Variants in FARP1 observed in about 807,000 individuals in gnomAD.
FARP1 encodes the protein FERM, ARH/RhoGEF and pleckstrin domain protein 1.
FARP1 carries 52 observed loss-of-function variants against 128.8 expected under a neutral mutation model. That is an observed-to-expected ratio of 0.40 (90% CI 0.32 to 0.51). The LOEUF is 0.51. Among genes scored for constraint, FARP1 ranks in the 20% least tolerant of loss-of-function variants. FARP1 has a pLI of 0.45. For missense variants in FARP1, 1,333 were observed against 1,367.9 expected, an observed-to-expected ratio of 0.97 and a Z score of 0.40; for synonymous variants, 580 against 551.8, an observed-to-expected ratio of 1.05 and a Z score of -0.72.
At chr13:98,395,172 AAT>A (rs1245020652) in intron 12 of FARP1, 53 bp from the exon 13 acceptor site, 40 of 1,528,174 alleles carry the variant, frequency 2.6e-5, no homozygotes, top group Non-Finnish European at 3.5e-5. Flanking sequence ...TCAGCCTTGG[AAT>A]AACAGTCTCC....
chr13:98,374,635 C>A (rs1889501496), intron 5 of FARP1, among the ~76,000 whole-genome samples: 1 of 152,226 alleles, frequency 6.6e-6, no homozygotes, highest in Non-Finnish European at 1.5e-5. Context: ...TGCTGTTTAA[C>A]TTGTTCCTCT....
intron 2 of FARP1, among the ~76,000 whole-genome samples, chr13:98,301,519 C>T (rs1885924518): frequency 6.6e-6 from 1 of 152,186 alleles, no homozygotes; most frequent in Admixed American, 6.5e-5. Flanking sequence ...CTGGCAGTGA[C>T]TTAGGAGCTT....
At chr13:98,296,333 A>G (rs1223112091) in intron 2 of FARP1, among the ~76,000 whole-genome samples, 2 of 151,918 alleles carry the variant, frequency 1.3e-5, no homozygotes, top group Non-Finnish European at 2.9e-5. Flanking sequence ...GCACATGCGC[A>G]CACTCTCCTT....
intron 2 of FARP1, among the ~76,000 whole-genome samples, chr13:98,255,418 G>GAACGCAGGAGAATGGCA (rs1883537256): frequency 6.6e-6 from 1 of 151,930 alleles, no homozygotes. Flanking sequence ...GGAGAATGGC[G>GAACGCAGGAGAATGGCA]TGAACCCAGG....
chr13:98,334,675 GA>G (rs1380957698), intron 2 of FARP1, among the ~76,000 whole-genome samples: 1 of 152,116 alleles, frequency 6.6e-6, no homozygotes, highest in Non-Finnish European at 1.5e-5. Flanking sequence ...GCTGTATTTG[GA>G]GTAAGGAAGT....
chr13:98,325,120 C>T (rs531459437), intron 2 of FARP1, among the ~76,000 whole-genome samples: 24 of 152,052 alleles, frequency 1.6e-4, no homozygotes, highest in Non-Finnish European at 2.8e-4. Context: ...GTAAGTAGTC[C>T]GTAAGGAAGA....
At chr13:98,373,529 G>GACGGACACAC (rs1264346715) in intron 5 of FARP1, among the ~76,000 whole-genome samples, 83 of 79,236 alleles carry the variant, frequency 1.0e-3, no homozygotes, top group African/African-American at 4.8e-3. Context: ...GAGACAGACA[G>GACGGACACAC]ACAGACACAC....
intron 2 of FARP1, among the ~76,000 whole-genome samples, chr13:98,308,154 C>G (rs773318374): frequency 6.6e-6 from 1 of 151,348 alleles, no homozygotes; most frequent in Non-Finnish European, 1.5e-5. Flanking sequence ...ACAGCACATG[C>G]ATTCCTTGAA....
At chr13:98,395,597 G>T (rs114699442) in intron 13 of FARP1, 121 bp downstream of exon 13, 411 of 1,193,802 alleles carry the variant, frequency 3.4e-4, no homozygotes, top group Non-Finnish European at 4.6e-4. Flanking sequence ...TCCCGATCCC[G>T]GTCCCGGTCC....
Position 98,389,996 on chromosome 13 carries a change from C to T in FARP1, c.895C>T (p.Arg299Trp), listed in dbSNP as rs547596686. The T allele has an allele frequency of 6.8e-6, 11 of 1,614,156 alleles. No homozygotes were observed. Among genetic ancestry groups the T allele is most frequent in the East Asian group, 2.2e-5 (1 of 44,880 alleles). Residue 299 changes from arginine to tryptophan, a missense_variant, in exon 10 of 27, where the codon CGG becomes TGG. Arg to Trp is a moderately radical substitution (Grantham distance 101). Transcript: ENST00000319562. Reference protein sequence around the residue: ...QDTLEFLMASRDFCKSFWKIC... With the variant: ...QDTLEFLMASWDFCKSFWKIC... ...TACCTTGGAATTCCTGATGGCCAGT[C>T]GGGATTTCTGCAAGTCCTTCTGGAA...
intron 13 of FARP1, chr13:98,397,553 C>T (rs1452877753): frequency 6.6e-6 from 1 of 152,220 alleles, no homozygotes; most frequent in Non-Finnish European, 1.5e-5. Context: ...CTGCCTTTCA[C>T]CCAGCATTCC....
intron 2 of FARP1, among the ~76,000 whole-genome samples, chr13:98,221,333 T>G (rs1378745928): frequency 6.6e-6 from 1 of 152,188 alleles, no homozygotes; most frequent in Non-Finnish European, 1.5e-5. Context: ...AGAAAGCGAA[T>G]GAAAGCACTT....
chr13:98,286,791 G>C (rs1391278052), intron 2 of FARP1, among the ~76,000 whole-genome samples: 4 of 152,058 alleles, frequency 2.6e-5, no homozygotes, highest in South Asian at 2.1e-4. Context: ...ACTTCTTCTT[G>C]TTGTTGTTTA....
chr13:98,202,326 A>AT (rs1880004953), intron 1 of FARP1, among the ~76,000 whole-genome samples: 2 of 152,008 alleles, frequency 1.3e-5, no homozygotes, highest in South Asian at 4.2e-4. Context: ...CTGACACTTG[A>AT]TTTTTTGCCC....
At chr13:98,261,495 C>T (rs367999510) in intron 2 of FARP1, among the ~76,000 whole-genome samples, 14 of 152,216 alleles carry the variant, frequency 9.2e-5, no homozygotes, top group East Asian at 7.7e-4. Context: ...CAGTCAGCTC[C>T]CACTGGTATG....
At chr13:98,223,552 C>G (rs1594290071) in intron 2 of FARP1, among the ~76,000 whole-genome samples, 3 of 152,238 alleles carry the variant, frequency 2.0e-5, no homozygotes, top group East Asian at 3.9e-4. Flanking sequence ...TCTCGAACTC[C>G]TGATCTCAGG....
At chr13:98,213,124 A>T in intron 1 of FARP1, 96 bp from the exon 2 acceptor site, 1 of 919,026 alleles carries the variant, frequency 1.1e-6, no homozygotes, top group Non-Finnish European at 1.6e-6. Flanking sequence ...CAGGGGATGG[A>T]GCCCCCTGCC....
intron 3 of FARP1, among the ~76,000 whole-genome samples, chr13:98,363,353 G>GT (rs1228083747): frequency 6.6e-6 from 1 of 152,168 alleles, no homozygotes; most frequent in Non-Finnish European, 1.5e-5. Flanking sequence ...TGCCCCTTCC[G>GT]TGTGTATTGC....
At chr13:98,444,646 T>C (rs1594548717) in intron 24 of FARP1, among the ~76,000 whole-genome samples, 1 of 152,120 alleles carries the variant, frequency 6.6e-6, no homozygotes, top group African/African-American at 2.4e-5. Flanking sequence ...GATGTGCCTA[T>C]TGATAAAGAG....
Sources: allele counts gnomAD v4.1 joint callset (sites outside exome capture counted in the v4.1 genomes callset), GRCh38; gene constraint gnomAD v4.1.1; transcripts MANE v1.5; gene names NCBI Gene and HGNC (gene_info 2026-07-23, HGNC 2026-07-21).